The following LACTB2 variants were observed in gnomAD, a reference collection of about 807,000 sequenced individuals.
LACTB2 encodes lactamase beta 2.
LACTB2 carries 32 observed loss-of-function variants against 34.8 expected under a neutral mutation model. The ratio of observed to expected loss-of-function variants is 0.92; its 90% CI spans 0.69 to 1.24. The LOEUF (loss-of-function observed/expected upper bound fraction) is 1.24. LACTB2 is among the 50% of genes most tolerant of loss of function. The probability of loss-of-function intolerance (pLI) is 0.00; values close to 1 mark genes in which losing one functional copy is unlikely to be tolerated. For missense variants in LACTB2, 320 were observed against 345.0 expected, an observed-to-expected ratio of 0.93 and a Z score of 0.57; for synonymous variants, 120 against 117.5, an observed-to-expected ratio of 1.02 and a Z score of -0.14.
chr8:70,643,411 C>T (rs1399242120), intron 4 of LACTB2, among the ~76,000 whole-genome samples: 1 of 151,574 alleles, frequency 6.6e-6, no homozygotes, highest in Non-Finnish European at 1.5e-5. Flanking sequence ...TTAGTAGAGA[C>T]AGGGTTTCAC....
intron 4 of LACTB2, among the ~76,000 whole-genome samples, chr8:70,642,619 G>A (rs1818213731): frequency 6.6e-6 from 1 of 151,734 alleles, no homozygotes; most frequent in Admixed American, 6.6e-5. Context: ...GAGAAGCTGG[G>A]ATTACAGGTG....
rs139110055 is a variant in LACTB2, at chr8:70,666,857, C to A, written c.122+2142G>T. Among the ~76,000 whole-genome samples the A allele has an allele frequency of 3.3e-4, 50 of 152,246 alleles. No homozygotes were observed. The East Asian group carries it at 9.3e-3, about 28-fold the overall frequency. ...AACTGAAGGAGGACCTGGCAGTTTT[C>A]TGGAAAGGTTATGAGTTCAGTATGG... On this transcript the variant is annotated intron_variant, in intron 1 of 6. Transcript: ENST00000276590.
At chr8:70,650,735 C>CAA (rs61025700) in intron 3 of LACTB2, among the ~76,000 whole-genome samples, 126 of 46,204 alleles carry the variant, frequency 2.7e-3, no homozygotes, top group South Asian at 5.2e-3. Context: ...GACTCCATCT[C>CAA]AAAAAAAAAA....
intron 3 of LACTB2, among the ~76,000 whole-genome samples, chr8:70,654,332 G>A (rs1818382321): frequency 6.6e-6 from 1 of 152,026 alleles, no homozygotes; most frequent in Non-Finnish European, 1.5e-5. Context: ...TTTGTGAGGG[G>A]AGTGGGAACT....
chr8:70,663,107 T>C (rs138300233), intron 1 of LACTB2: 96 of 152,330 alleles, frequency 6.3e-4, no homozygotes, highest in African/African-American at 2.3e-3. Context: ...AATTGATCAA[T>C]AACTGTTTAT....
chr8:70,655,112 T>G (rs1460479721), intron 3 of LACTB2, among the ~76,000 whole-genome samples: 1 of 147,050 alleles, frequency 6.8e-6, no homozygotes, highest in African/African-American at 2.5e-5. Flanking sequence ...AGGTTCCACA[T>G]ATCAGTGAGA....
chr8:70,640,836 T>C (rs998440464), intron 5 of LACTB2, 66 bp downstream of exon 5: 15 of 1,400,366 alleles, frequency 1.1e-5, no homozygotes, highest in East Asian at 8.1e-5. Flanking sequence ...ATCATTTCTA[T>C]AGTCTACTAA....
At chr8:70,658,143 C>CA (rs1445763409) in intron 2 of LACTB2, among the ~76,000 whole-genome samples, 2 of 152,078 alleles carry the variant, frequency 1.3e-5, no homozygotes, top group Non-Finnish European at 2.9e-5. Context: ...CTAGTTTATA[C>CA]AAAAAATTTA....
chr8:70,669,140 C>T lies in LACTB2; in HGVS notation c.-20G>A, dbSNP rs1818591653. ...AGCCATTCCCGCCTCAGCCGCCCGC[C>T]GGCGTGTCGCCTATCTGGATACTCC... On this transcript the variant is annotated 5_prime_UTR_variant, in exon 1 of 7. Coordinates refer to ENST00000276590, the MANE Select transcript of LACTB2 (RefSeq NM_016027.3). 1 of 1,611,338 alleles carries T rather than the reference C, an allele frequency of 6.2e-7. No individual in the cohort carries two copies. The highest frequency in any genetic ancestry group is 1.3e-5 in the African/African-American group (1 of 75,010).
chr8:70,638,744 ATTTT>A (rs377700622), intron 5 of LACTB2, 115 bp from the exon 6 acceptor site: 27 of 636,052 alleles, frequency 4.2e-5, no homozygotes, highest in East Asian at 1.2e-4. Context: ...TCTTAAACAC[ATTTT>A]TTTTTTTTTT....
At position 70,640,997 on chromosome 8, in the gene LACTB2, G is replaced by T; in HGVS notation, c.646C>A (p.His216Asn). Reference protein sequence around the residue: ...AEAKIQQYISHRNIREQQILT... With the variant: ...AEAKIQQYISNRNIREQQILT... ...ATTTGCTGCTCTCGAATATTTCTGT[G>T]AGAAATGTATTGTTGAATTTTAGCT... The change falls in exon 5 of 7, where the codon CAC becomes AAC. Residue 216 changes from histidine to asparagine, a missense_variant. Transcript: ENST00000276590. The T allele has an allele frequency of 6.2e-7, 1 of 1,607,700 alleles. No individual in the cohort carries two copies. The highest frequency in any genetic ancestry group is 1.1e-5 in the South Asian group (1 of 89,232).
intron 2 of LACTB2, among the ~76,000 whole-genome samples, chr8:70,658,556 T>C (rs1006752072): frequency 6.6e-6 from 1 of 152,274 alleles, no homozygotes; most frequent in Admixed American, 6.5e-5. Flanking sequence ...CAAAGAACTA[T>C]ACTTGGTACC....
intron 5 of LACTB2, chr8:70,640,698 G>T (rs1445653510): frequency 2.2e-6 from 1 of 447,800 alleles, no homozygotes; most frequent in South Asian, 5.0e-5. Context: ...AAAGTTCAAT[G>T]ATGGCTCGAA....
At chr8:70,638,392 C>T (rs1313038081) in intron 6 of LACTB2, among the ~76,000 whole-genome samples, 156 bp downstream of exon 6, 8 of 152,074 alleles carry the variant, frequency 5.3e-5, no homozygotes, top group Admixed American at 5.2e-4. Flanking sequence ...GTCCACTGGC[C>T]CTGTGCTACT....
chr8:70,657,812 T>G lies in LACTB2; in HGVS notation c.357A>C (p.Gln119His). ...QREEIIGNGE[Q>H]QYVYLKDGDV... ...CTCCATCTTTCAGATAAACATATTG[T>G]TGCTCTCCATTTCCTATAATTTCTT... Residue 119 changes from glutamine to histidine, a missense_variant, in exon 3 of 7, where the codon CAA (glutamine) becomes CAC (histidine). Gln to His is a conservative substitution (Grantham distance 24). Coordinates refer to ENST00000276590, the MANE Select transcript of LACTB2 (RefSeq NM_016027.3). 1 of 1,612,672 alleles carries G rather than the reference T, an allele frequency of 6.2e-7. No homozygotes were observed. The highest frequency in any genetic ancestry group is 8.5e-7 in the Non-Finnish European group (1 of 1,178,770).
At chr8:70,638,470 T>A (rs1818151076) in intron 6 of LACTB2, 78 bp downstream of exon 6, 2 of 1,408,572 alleles carry the variant, frequency 1.4e-6, no homozygotes, top group Non-Finnish European at 1.9e-6. Context: ...GGGTATTATT[T>A]TTCCTCAAAG....
intron 3 of LACTB2, among the ~76,000 whole-genome samples, chr8:70,651,541 C>T (rs1818342063): frequency 6.6e-6 from 1 of 151,994 alleles, no homozygotes; most frequent in Admixed American, 6.6e-5. Flanking sequence ...TTTTAATCTA[C>T]AAAAACTCAC....
chr8:70,655,830 G>A (rs1818405550), intron 3 of LACTB2, among the ~76,000 whole-genome samples: 1 of 152,046 alleles, frequency 6.6e-6, no homozygotes, highest in Non-Finnish European at 1.5e-5. Context: ...TGTAGAAAGT[G>A]TCCCCTGTTC....
At chr8:70,660,773 A>G (rs1818471995) in intron 2 of LACTB2, 7 of 455,778 alleles carry the variant, frequency 1.5e-5, no homozygotes, top group Non-Finnish European at 4.4e-6. Context: ...CATAGCACCC[A>G]TGATTATCTG....
Sources: gnomAD v4.1 joint callset for allele counts (sites outside exome capture counted in the v4.1 genomes callset) on GRCh38, gnomAD v4.1.1 for gene constraint, MANE v1.5 for transcripts, NCBI Gene and HGNC (gene_info 2026-07-23, HGNC 2026-07-21) for gene names.